INTS9: variants seen among roughly 807,000 people sequenced by gnomAD.
INTS9 encodes integrator complex subunit 9, also known as protein related to CPSF subunits of 74 kDa.
A neutral mutation model predicts 79.7 loss-of-function variants in INTS9; 55 were observed. The ratio of observed to expected loss-of-function variants is 0.69; its 90% confidence interval spans 0.56 to 0.86. The LOEUF (loss-of-function observed/expected upper bound fraction) is 0.86. INTS9 is among the 40% of genes least tolerant of loss of function. INTS9 has a pLI of 0.00. For synonymous variants in INTS9, 319 were observed against 325.2 expected, an observed-to-expected ratio of 0.98 and a Z score of 0.20; for missense variants, 721 against 831.5, an observed-to-expected ratio of 0.87 and a Z score of 1.64.
At chr8:28,814,756 T>G (rs531841239) in intron 6 of INTS9, among the ~76,000 whole-genome samples, 1 of 152,126 alleles carries the variant, frequency 6.6e-6, no homozygotes. Flanking sequence ...CTCTCCTCAT[T>G]TGGCTGCCAA....
At chr8:28,812,081 A>G (rs1332278407) in intron 8 of INTS9, among the ~76,000 whole-genome samples, 1 of 152,232 alleles carries the variant, frequency 6.6e-6, no homozygotes, top group Non-Finnish European at 1.5e-5. Context: ...GTCCCACATC[A>G]GGCTATGGTC....
intron 2 of INTS9, among the ~76,000 whole-genome samples, chr8:28,856,135 T>C (rs141601990): frequency 1.3e-5 from 2 of 152,300 alleles, no homozygotes; most frequent in East Asian, 3.9e-4. Flanking sequence ...TTAGTAATGA[T>C]ACCTATAAAA....
intron 4 of INTS9, among the ~76,000 whole-genome samples, chr8:28,841,805 G>A (rs1807201977): frequency 6.6e-6 from 1 of 152,214 alleles, no homozygotes; most frequent in Admixed American, 6.5e-5. Flanking sequence ...ATGATAAGGA[G>A]CCAGATGTGG....
chr8:28,834,107 C>T (rs1488580532), intron 6 of INTS9, among the ~76,000 whole-genome samples: 1 of 152,216 alleles, frequency 6.6e-6, no homozygotes, highest in African/African-American at 2.4e-5. Flanking sequence ...TTAATTACTA[C>T]AGCCTCTTTT....
intron 1 of INTS9, among the ~76,000 whole-genome samples, chr8:28,886,078 T>C (rs889504887): frequency 6.6e-6 from 1 of 152,092 alleles, no homozygotes; most frequent in African/African-American, 2.4e-5. Context: ...AAGAGGGTGA[T>C]GTGCAAAGTT....
At chr8:28,773,488 A>G (rs1802687432) in intron 14 of INTS9, among the ~76,000 whole-genome samples, 1 of 151,702 alleles carries the variant, frequency 6.6e-6, no homozygotes, top group Non-Finnish European at 1.5e-5. Context: ...AAAATCTATG[A>G]AAAAAGGAAC....
chr8:28,787,297 T>C (rs576951195), intron 11 of INTS9, among the ~76,000 whole-genome samples: 7 of 152,332 alleles, frequency 4.6e-5, no homozygotes, highest in African/African-American at 1.7e-4. Context: ...AAAATGTACA[T>C]ATATGACTGA....
intron 5 of INTS9, among the ~76,000 whole-genome samples, chr8:28,836,861 G>C (rs534308782): frequency 1.3e-5 from 2 of 152,270 alleles, no homozygotes; most frequent in East Asian, 1.9e-4. Context: ...CATCTGCAAG[G>C]CTCTAGAATC....
At chr8:28,873,835 CT>C (rs1809219761) in intron 1 of INTS9, among the ~76,000 whole-genome samples, 1 of 152,190 alleles carries the variant, frequency 6.6e-6, no homozygotes, top group African/African-American at 2.4e-5. Context: ...AGGATCCCCC[CT>C]TCCCACTATC....
At chr8:28,869,806 T>A (rs529579423) in intron 1 of INTS9, among the ~76,000 whole-genome samples, 5 of 152,154 alleles carry the variant, frequency 3.3e-5, no homozygotes, top group Admixed American at 3.3e-4. Context: ...AATCTTAGCA[T>A]GCATGGTGAA....
Position 28,768,072 on chromosome 8 carries a change from C to G in INTS9, c.*74G>C. ...AGACACAGTTAATGGCCTCTCATGC[C>G]ACTCCTCAGGTGGCTTGTGAGGGCA... On this transcript the variant is annotated 3_prime_UTR_variant, in exon 17 of 17. Transcript: ENST00000521022. 2 of 1,395,824 alleles carry G rather than the reference C, an allele frequency of 1.4e-6. No individual in the cohort carries two copies. Among genetic ancestry groups the G allele is most frequent in the South Asian group, 1.2e-5 (1 of 84,510 alleles). The allele number at this position is 1,395,824 out of a possible 1,614,324, so 86.5% of individuals were successfully genotyped here.
At chr8:28,821,759 G>T (rs1319397997) in intron 6 of INTS9, among the ~76,000 whole-genome samples, 4 of 141,738 alleles carry the variant, frequency 2.8e-5, no homozygotes, top group Admixed American at 1.4e-4. Flanking sequence ...ATATCTGTGG[G>T]TTTTTTTTTT....
intron 1 of INTS9, among the ~76,000 whole-genome samples, chr8:28,864,588 C>T (rs1199030757): frequency 6.6e-6 from 1 of 152,012 alleles, no homozygotes; most frequent in Non-Finnish European, 1.5e-5. Flanking sequence ...GAAATCATAA[C>T]ACAGTGCTTT....
At chr8:28,869,703 G>A (rs1216304848) in intron 1 of INTS9, among the ~76,000 whole-genome samples, 2 of 152,082 alleles carry the variant, frequency 1.3e-5, no homozygotes, top group Non-Finnish European at 2.9e-5. Flanking sequence ...ATTCCATCTC[G>A]CAGGAGAGCT....
intron 8 of INTS9, chr8:28,798,580 C>T (rs1464336762): frequency 1.3e-5 from 2 of 152,130 alleles, no homozygotes; most frequent in Non-Finnish European, 2.9e-5. Flanking sequence ...CTCACTGCAA[C>T]CTCCACCTCC....
intron 1 of INTS9, among the ~76,000 whole-genome samples, chr8:28,881,099 G>C (rs1159088917): frequency 1.4e-5 from 2 of 146,746 alleles, no homozygotes; most frequent in African/African-American, 5.0e-5. Context: ...TCTCCGCCCG[G>C]CAGCCACCCC....
chr8:28,788,433 T>C (rs1471840185), intron 10 of INTS9, among the ~76,000 whole-genome samples: 3 of 152,226 alleles, frequency 2.0e-5, no homozygotes, highest in Non-Finnish European at 4.4e-5. Flanking sequence ...GCACTTTTTT[T>C]TTGGAGACAG....
intron 4 of INTS9, among the ~76,000 whole-genome samples, chr8:28,843,835 A>G (rs34550488): frequency 0.19 from 29,259 of 151,616 alleles, 3,169 homozygotes; most frequent in East Asian, 0.47. Flanking sequence ...TTCAATCTAC[A>G]TATCAGGCAC....
At chr8:28,863,862 TGCTGTG>T (rs1480105876) in intron 1 of INTS9, among the ~76,000 whole-genome samples, 2 of 152,356 alleles carry the variant, frequency 1.3e-5, no homozygotes, top group African/African-American at 4.8e-5. Flanking sequence ...AGACGTTATC[TGCTGTG>T]GGTATGGAGG....
Sources: allele counts gnomAD v4.1 joint callset (sites outside exome capture counted in the v4.1 genomes callset), GRCh38; gene constraint gnomAD v4.1.1; transcripts MANE v1.5; gene names NCBI Gene and HGNC (gene_info 2026-07-23, HGNC 2026-07-21).